Variants in CDC42EP3 observed in about 807,000 individuals in gnomAD.
CDC42EP3 encodes CDC42 effector protein 3.
In CDC42EP3, 4 loss-of-function variants were observed where a neutral mutation model predicts 15.5. That is an observed-to-expected ratio of 0.26 (90% CI 0.13 to 0.59). CDC42EP3 has a LOEUF of 0.59. CDC42EP3 is among the 20% of genes least tolerant of loss of function. CDC42EP3 has a pLI of 0.89. For synonymous variants in CDC42EP3, 145 were observed against 130.3 expected (o/e 1.11, Z -0.77); for missense variants, 309 against 311.2 (o/e 0.99, Z 0.05).
At chr2:37,648,551 G>A (rs770021814) in intron 1 of CDC42EP3, among the ~76,000 whole-genome samples, 18 of 152,234 alleles carry the variant, frequency 1.2e-4, no homozygotes, top group Non-Finnish European at 2.4e-4. Context: ...AGAAGGCTGA[G>A]AACAATGCAC....
intron 1 of CDC42EP3, among the ~76,000 whole-genome samples, chr2:37,661,706 C>T (rs2124631840): frequency 6.6e-6 from 1 of 152,222 alleles, no homozygotes. Context: ...AAAGTCATAG[C>T]CATCTGACGG....
chr2:37,668,119 A>G (rs1666301413), intron 1 of CDC42EP3, among the ~76,000 whole-genome samples: 1 of 152,244 alleles, frequency 6.6e-6, no homozygotes, highest in Non-Finnish European at 1.5e-5. Flanking sequence ...AATTATAACA[A>G]TGTAATAAAA....
In CDC42EP3 at chr2:37,664,307, T is replaced by G. The variant is rs372802994; in HGVS notation, c.-236+7119A>C. Reference sequence around the variant, plus strand: ...CATCAGACTCCAAGTTCTTCAGTTTTTGGACCTGGACTTACACCAGTGGTT... The same window carrying G: ...CATCAGACTCCAAGTTCTTCAGTTTGTGGACCTGGACTTACACCAGTGGTT... On this transcript the variant is annotated intron_variant, in intron 1 of 1. Coordinates refer to ENST00000295324, the MANE Select transcript of CDC42EP3 (RefSeq NM_006449.5). 6.6e-5 allele frequency among the ~76,000 whole-genome samples: 10 copies of G among 152,192 alleles called. 1 individual carries two copies. The South Asian group carries it at 1.9e-3, about 28-fold the overall frequency.
At chr2:37,667,892 C>T (rs913485454) in intron 1 of CDC42EP3, among the ~76,000 whole-genome samples, 12 of 152,152 alleles carry the variant, frequency 7.9e-5, no homozygotes, top group Non-Finnish European at 1.5e-4. Flanking sequence ...ACCTTGGCCA[C>T]GTTACTAAAC....
chr2:37,659,235 T>C (rs1033747493), intron 1 of CDC42EP3, among the ~76,000 whole-genome samples: 13 of 152,200 alleles, frequency 8.5e-5, no homozygotes, highest in East Asian at 1.9e-4. Context: ...TTGAAAGACA[T>C]TGCTGTGCCT....
In CDC42EP3 at chr2:37,645,877, A is replaced by C. The variant is rs770772196; in HGVS notation, c.711T>G (p.Asp237Glu). The part of the protein sequence containing the change: ...LTGSLLSLQL[D>E]LGPSLLDEVL... ...CCTCATCCAAAAGTGAGGGCCCAAG[A>C]TCAAGCTGCAGGGAGAGGAGGGAAC... The change falls in exon 2 of 2, where the codon GAT (aspartate) becomes GAG (glutamate). Residue 237 changes from aspartate (D) to glutamate (E), a missense_variant. Physicochemically the swap from Asp to Glu is conservative, Grantham distance 45. Transcript: ENST00000295324. The C allele has an allele frequency of 6.3e-7, 1 of 1,587,372 alleles. No individual in the cohort carries two copies. The highest frequency in any genetic ancestry group is 1.7e-4 in the Middle Eastern group (1 of 5,878).
At chr2:37,661,071 TATGC>T (rs987171315) in intron 1 of CDC42EP3, among the ~76,000 whole-genome samples, 13 of 151,988 alleles carry the variant, frequency 8.6e-5, no homozygotes, top group African/African-American at 3.1e-4. Context: ...AGTATGTATG[TATGC>T]ATATGTATGT....
chr2:37,663,089 C>T (rs10181998), intron 1 of CDC42EP3, among the ~76,000 whole-genome samples: 55,954 of 152,112 alleles, frequency 0.37, 10,517 homozygotes, highest in Non-Finnish European at 0.4. Flanking sequence ...CTCTTGAACC[C>T]GGGAGGCAGA....
chr2:37,646,816 G>A lies in CDC42EP3; in HGVS notation c.-229C>T, dbSNP rs930155720. ...ATCATCCAGTCTTGACCACAACCAG[G>A]ACAAACCTGCAGAAGAAACCAAAGC... On this transcript the variant is annotated 5_prime_UTR_variant, in exon 2 of 2. Coordinates refer to ENST00000295324, the MANE Select transcript of CDC42EP3 (RefSeq NM_006449.5). 1.8e-5 allele frequency: 8 copies of A among 433,398 alleles called. No homozygotes were observed. Among genetic ancestry groups the A allele is most frequent in the Non-Finnish European group, 3.4e-5 (8 of 235,888 alleles). The allele number at this position is 433,398 out of a possible 1,614,324, so 26.8% of individuals were successfully genotyped here.
rs371123223 is a variant in CDC42EP3 at position 37,646,515 on chromosome 2, T to C, written c.73A>G (p.Ile25Val). The C allele has an allele frequency of 3.6e-5, 58 of 1,592,452 alleles. No individual in the cohort carries two copies. The highest frequency in any genetic ancestry group is 4.9e-5 in the Non-Finnish European group (57 of 1,173,244). Reference protein sequence around the residue: ...KKGKKFKLRDILSPDMISPPL... With the variant: ...KKGKKFKLRDVLSPDMISPPL... ...GGACTGATCATATCAGGAGACAGAA[T>C]GTCCCTCAGTTTAAATTTCTTTCCT... The change falls in exon 2 of 2, where the codon ATT (isoleucine) becomes GTT (valine). Residue 25 changes from isoleucine (I) to valine (V), a missense_variant. Coordinates refer to ENST00000295324, the MANE Select transcript of CDC42EP3 (RefSeq NM_006449.5).
Position 37,645,645 on chromosome 2 carries a change from GT to G in CDC42EP3, c.*177del, listed in dbSNP as rs949975044. 6.6e-5 allele frequency: 34 copies of G among 514,184 alleles called. No individual in the cohort carries two copies. The highest frequency in any genetic ancestry group is 9.2e-5 in the Non-Finnish European group (28 of 305,824). The allele number at this position is 514,184 out of a possible 1,614,324, so 31.9% of individuals were successfully genotyped here. A position where few individuals can be genotyped will look rare whatever the true frequency, so the allele number is the denominator to read the frequency against. ...TTGCCAAGATAGGTTTTGCTTTGTT[GT>G]TTTTTTCTAAATTGTTTTTGCAAAC... On this transcript the variant is annotated 3_prime_UTR_variant, in exon 2 of 2. Coordinates refer to ENST00000295324, the MANE Select transcript of CDC42EP3 (RefSeq NM_006449.5).
Position 37,645,854 on chromosome 2 carries a change from T to C in CDC42EP3, c.734A>G (p.Glu245Gly). Residue 245 changes from glutamate to glycine, a missense_variant, in exon 2 of 2, where the codon GAG becomes GGG. Transcript: ENST00000295324. ...QLDLGPSLLD[E>G]VLNVMDKNK Reference sequence around the variant, plus strand: ...ATTTTTATCCATTACATTCAGCACCTCATCCAAAAGTGAGGGCCCAAGATC... The same window carrying C: ...ATTTTTATCCATTACATTCAGCACCCCATCCAAAAGTGAGGGCCCAAGATC... 6.4e-7 allele frequency: 1 copy of C among 1,559,432 alleles called. No individual in the cohort carries two copies. The highest frequency in any genetic ancestry group is 8.6e-7 in the Non-Finnish European group (1 of 1,157,684).
At chr2:37,664,708 G>T (rs1234483237) in intron 1 of CDC42EP3, among the ~76,000 whole-genome samples, 2 of 152,222 alleles carry the variant, frequency 1.3e-5, no homozygotes, top group African/African-American at 4.8e-5. Context: ...ATGAGATTCA[G>T]TCCCTATCCT....
chr2:37,653,690 C>A (rs1292436555), intron 1 of CDC42EP3, among the ~76,000 whole-genome samples: 1 of 151,460 alleles, frequency 6.6e-6, no homozygotes, highest in Non-Finnish European at 1.5e-5. Flanking sequence ...TTTAAAATTC[C>A]ATTTATTTTA....
chr2:37,652,483 T>G (rs145805263), intron 1 of CDC42EP3, among the ~76,000 whole-genome samples: 3 of 152,154 alleles, frequency 2.0e-5, no homozygotes, highest in Non-Finnish European at 4.4e-5. Flanking sequence ...GTCAAAACTC[T>G]CAACACCAGC....
intron 1 of CDC42EP3, among the ~76,000 whole-genome samples, chr2:37,663,769 GA>G (rs571098805): frequency 3.1e-4 from 47 of 152,342 alleles, no homozygotes; most frequent in African/African-American, 1.1e-3. Flanking sequence ...GTGTGTCTGT[GA>G]GGGTGTTGCC....
intron 1 of CDC42EP3, among the ~76,000 whole-genome samples, chr2:37,656,428 C>G (rs1262188269): frequency 2.0e-5 from 3 of 152,188 alleles, no homozygotes; most frequent in Non-Finnish European, 4.4e-5. Context: ...ATCATGAGAG[C>G]CAGGTTGACT....
intron 1 of CDC42EP3, among the ~76,000 whole-genome samples, chr2:37,651,982 T>G (rs1558338467): frequency 6.6e-6 from 1 of 151,644 alleles, no homozygotes; most frequent in Non-Finnish European, 1.5e-5. Context: ...AAGACCATCC[T>G]GGCTAACACG....
Position 37,646,003 on chromosome 2 carries a change from C to T in CDC42EP3, c.585G>A (p.Gln195=). The T allele has an allele frequency of 6.2e-7, 1 of 1,613,898 alleles. No homozygotes were observed. Among genetic ancestry groups the T allele is most frequent in the Non-Finnish European group, 8.5e-7 (1 of 1,179,878 alleles). The change falls in exon 2 of 2, where the codon CAG becomes CAA. Residue 195 remains glutamine (Q), a synonymous_variant. Transcript: ENST00000295324. ...RDSHSSSLSE[Q]YPDWPAEDMF... is the part of the protein sequence containing the mutation. ...TGTCCTCGGCTGGCCAGTCGGGGTA[C>T]TGTTCGGACAGGCTGGAGGAGTGGC...
Sources: allele counts gnomAD v4.1 joint callset (sites outside exome capture counted in the v4.1 genomes callset), GRCh38; gene constraint gnomAD v4.1.1; transcripts MANE v1.5; gene names NCBI Gene and HGNC (gene_info 2026-07-23, HGNC 2026-07-21).